IFT140: variants seen among roughly 807,000 people sequenced by gnomAD.
The protein encoded by IFT140 is intraflagellar transport 140, also known as intraflagellar transport protein 140 homolog.
IFT140 carries 133 observed loss-of-function variants against 164.6 expected under a neutral mutation model. That is an observed-to-expected ratio of 0.81 (90% CI 0.70 to 0.93). The LOEUF (loss-of-function observed/expected upper bound fraction) is 0.93. Among genes scored for constraint, IFT140 ranks in the 40% least tolerant of loss-of-function variants. The probability of loss-of-function intolerance (pLI) is 0.00; values close to 1 mark genes in which losing one functional copy is unlikely to be tolerated. For synonymous variants in IFT140, 860 were observed against 817.3 expected (o/e 1.05, Z -0.89); for missense variants, 2,045 against 1,972.3 (o/e 1.04, Z -0.70).
chr16:1,520,482 T>A, intron 27 of IFT140, 120 bp downstream of exon 27: 1 of 1,356,888 alleles, frequency 7.4e-7, no homozygotes, highest in South Asian at 1.3e-5. Context: ...GTGCTCTTCC[T>A]GGCCAGAAAG....
chr16:1,602,309 T>G, intron 4 of IFT140, 61 bp downstream of exon 4: 1 of 1,429,252 alleles, frequency 7.0e-7, no homozygotes, highest in Non-Finnish European at 9.8e-7. Flanking sequence ...TCTTTCATAC[T>G]CTCGAGCATG....
chr16:1,558,186 C>A (rs1470566810), intron 18 of IFT140, 52 bp from the exon 19 acceptor site: 2 of 1,578,444 alleles, frequency 1.3e-6, no homozygotes, highest in Non-Finnish European at 8.7e-7. Flanking sequence ...AAGCTGAAGC[C>A]CTCACCCAGA....
At chr16:1,581,998 C>A (rs573316697) in intron 12 of IFT140, among the ~76,000 whole-genome samples, 1 of 151,970 alleles carries the variant, frequency 6.6e-6, no homozygotes, top group East Asian at 1.9e-4. Context: ...TTCAAACACA[C>A]GAGGGGGCAA....
At position 1,523,245 on chromosome 16, in the gene IFT140, G is replaced by A. The variant is rs377717131; in HGVS notation, c.3453+273C>T. Among the ~76,000 whole-genome samples, 254 of 151,658 alleles carry A rather than the reference G, an allele frequency of 1.7e-3. 2 individuals carry two copies. Among genetic ancestry groups the A allele is most frequent in the African/African-American group, 5.8e-3 (238 of 41,338 alleles). On this transcript the variant is annotated intron_variant, in intron 26 of 30. Transcript: ENST00000426508. ...AAAAAAAAAAAAAAAAGGCTAAGAT[G>A]GTAAATTTTGTGTTCTGTGTGTTTT...
chr16:1,591,083 C>T (rs528414104), intron 6 of IFT140, among the ~76,000 whole-genome samples: 4 of 152,176 alleles, frequency 2.6e-5, no homozygotes, highest in African/African-American at 4.8e-5. Flanking sequence ...CACATAAGGA[C>T]GTGAGGCACA....
intron 4 of IFT140, among the ~76,000 whole-genome samples, chr16:1,601,328 T>C (rs1443595853): frequency 6.6e-6 from 1 of 151,816 alleles, no homozygotes; most frequent in Non-Finnish European, 1.5e-5. Context: ...GAGCCTTTAC[T>C]GGATTCCTGC....
intron 30 of IFT140, chr16:1,513,181 CT>C (rs1335579469): frequency 1.3e-5 from 2 of 152,186 alleles, no homozygotes; most frequent in African/African-American, 4.8e-5. Flanking sequence ...TCTATGTTGG[CT>C]ACAACAGAAT....
chr16:1,563,767 AG>A (rs2033556612), intron 17 of IFT140, among the ~76,000 whole-genome samples: 1 of 152,116 alleles, frequency 6.6e-6, no homozygotes, highest in Admixed American at 6.5e-5. Flanking sequence ...ACCCCATGCT[AG>A]GAAGATTTTT....
rs1231257978 is a variant in IFT140 at position 1,553,725 on chromosome 16, C to T, written c.2399+4210G>A. On this transcript the variant is annotated intron_variant, in intron 19 of 30. Coordinates refer to ENST00000426508, the MANE Select transcript of IFT140 (RefSeq NM_014714.4). This position sits in a 1 kb window ranked among gnomAD's most constrained non-coding sequence, Gnocchi z 4.4. ...CCATGGCCTCCAGGACAATCTGTGG[C>T]CACATCCCCATGGCTGTAGGGGATG... 4 of 1,122,678 alleles carry T rather than the reference C, an allele frequency of 3.6e-6. No individual in the cohort carries two copies. Among genetic ancestry groups the T allele is most frequent in the East Asian group, 1.3e-4 (2 of 15,884 alleles). The allele number at this position is 1,122,678 out of a possible 1,614,324, so 69.5% of individuals were successfully genotyped here.
chr16:1,542,026 C>T lies in IFT140; in HGVS notation c.2400-15230G>A. 1.9e-6 allele frequency: 3 copies of T among 1,611,184 alleles called. No homozygotes were observed. In the East Asian group the frequency reaches 6.7e-5, roughly 36 times the overall value. ...CTGGTGGGCCTGCCCCTGCTGTCACCCGACGCCCCGTGCTGGGAGGAGGCC... is the reference window on the plus strand; with the variant it reads ...CTGGTGGGCCTGCCCCTGCTGTCACTCGACGCCCCGTGCTGGGAGGAGGCC... On this transcript the variant is annotated intron_variant, in intron 19 of 30. Transcript: ENST00000426508.
chr16:1,541,677 G>A (rs1026850531), intron 19 of IFT140, among the ~76,000 whole-genome samples: 1 of 152,128 alleles, frequency 6.6e-6, no homozygotes, highest in East Asian at 1.9e-4. Context: ...GCAGGGATAC[G>A]ACCACTGCAG....
rs969903015 is a variant in IFT140, at chr16:1,533,984, G to A, written c.2400-7188C>T. 1.5e-5 allele frequency: 7 copies of A among 459,302 alleles called. No homozygotes were observed. Among genetic ancestry groups the A allele is most frequent in the African/African-American group, 6.2e-5 (3 of 48,018 alleles). 28.5% of individuals were successfully genotyped at this position (459,302 alleles called of 1,614,324 possible). On this transcript the variant is annotated intron_variant, in intron 19 of 30. Transcript: ENST00000426508. This position sits in a 1 kb window ranked among gnomAD's most constrained non-coding sequence, Gnocchi z 4.7. ...GCCGGCCTCCGCTTCCCGGGAAGAC[G>A]GCGCACTCCTGGCCCTGGGTTCTTG... is the stretch of plus-strand genomic sequence containing the variant.
intron 12 of IFT140, 121 bp from the exon 13 acceptor site, chr16:1,580,971 G>A (rs1361275526): frequency 2.9e-6 from 2 of 683,782 alleles, no homozygotes; most frequent in Non-Finnish European, 5.2e-6. Context: ...CTTCATAGGG[G>A]TGCACTATCT....
In IFT140 at chr16:1,592,527, A is replaced by C. The variant is rs1295276914; in HGVS notation, c.431T>G (p.Leu144Arg). ...GAGGTGTTTCCCATACTCGTGTTTCAGCAGAGGCGTCCCTTGCACTCGGCC... is the reference window on the plus strand; with the variant it reads ...GAGGTGTTTCCCATACTCGTGTTTCCGCAGAGGCGTCCCTTGCACTCGGCC... ...QRGRVQGTPL[L>R]KHEYGKHLTH... Residue 144 changes from leucine to arginine, a missense_variant, in exon 5 of 31, where the codon CTG becomes CGG. By Grantham distance (102) the Leu-to-Arg change is moderately radical. Coordinates refer to ENST00000426508, the MANE Select transcript of IFT140 (RefSeq NM_014714.4). The C allele has an allele frequency of 6.2e-7, 1 of 1,614,130 alleles. No homozygotes were observed. The highest frequency in any genetic ancestry group is 2.2e-5 in the East Asian group (1 of 44,900).
At chr16:1,590,200 CAAAAAAA>C (rs559750583) in intron 6 of IFT140, among the ~76,000 whole-genome samples, 1 of 78,278 alleles carries the variant, frequency 1.3e-5, no homozygotes, top group African/African-American at 4.3e-5. Context: ...GACTCTGTCT[CAAAAAAA>C]AAAAAAAAAA....
At position 1,602,567 on chromosome 16, in the gene IFT140, CGTGT is replaced by C; in HGVS notation, c.168_171del (p.His57SerfsTer28). On this transcript the variant is annotated frameshift_variant, in exon 4 of 31. Coordinates refer to ENST00000426508, the MANE Select transcript of IFT140 (RefSeq NM_014714.4). LOFTEE classifies it high-confidence loss of function. ...GAAGCAACCCGGAACGGCCTCTCGACGTGTGTATCTGGCACGCACTCCCCCTGCA... is the reference window on the plus strand; with the variant it reads ...GAAGCAACCCGGAACGGCCTCTCGACGTATCTGGCACGCACTCCCCCTGCA... 6.2e-7 allele frequency: 1 copy of C among 1,613,188 alleles called. No homozygotes were observed. Among genetic ancestry groups the C allele is most frequent in the Non-Finnish European group, 8.5e-7 (1 of 1,180,040 alleles).
intron 11 of IFT140, 88 bp downstream of exon 11, chr16:1,584,129 C>A: frequency 4.4e-6 from 5 of 1,130,476 alleles, no homozygotes; most frequent in South Asian, 2.8e-5. Flanking sequence ...GCCTAACCTG[C>A]CATCTGGGGC....
At chr16:1,520,990 C>T (rs1373048149) in intron 26 of IFT140, among the ~76,000 whole-genome samples, 182 bp from the exon 27 acceptor site, 2 of 152,198 alleles carry the variant, frequency 1.3e-5, no homozygotes, top group South Asian at 2.1e-4. Flanking sequence ...CAATCATTCA[C>T]GTTACTTTCT....
rs894463058 is a variant in IFT140, at chr16:1,524,434, G to T, written c.3141+118C>A. The stretch of plus-strand genomic sequence containing the variant: ...GAGGCAGACGGGGTGAGCAGTGAGT[G>T]GCAGACACTGGCCGGACCACGTGTC... On this transcript the variant is annotated intron_variant, in intron 24 of 30. Transcript: ENST00000426508. 1.2e-5 allele frequency: 16 copies of T among 1,357,958 alleles called. No individual in the cohort carries two copies. In the African/African-American group the frequency reaches 2.0e-4, roughly 17 times the overall value. 84.1% of individuals were successfully genotyped at this position (1,357,958 alleles called of 1,614,324 possible).
Sources: gnomAD v4.1 joint callset for allele counts (sites outside exome capture counted in the v4.1 genomes callset) on GRCh38, gnomAD v4.1.1 for gene constraint, Gnocchi (gnomAD v3.1) non-coding constraint, MANE v1.5 for transcripts, NCBI Gene and HGNC (gene_info 2026-07-23, HGNC 2026-07-21) for gene names.